GOLGA8B: variants seen among roughly 807,000 people sequenced by gnomAD.
The protein encoded by GOLGA8B is golgin A8 family member B, also known as golgin subfamily A member 8B.
Under a neutral mutation model 15.6 loss-of-function variants are expected in GOLGA8B, and 1 was observed. The observed-to-expected ratio is 0.06, with a 90% CI of 0.02 to 0.30. GOLGA8B has a LOEUF of 0.30. Among genes scored for constraint, GOLGA8B ranks in the 10% least tolerant of loss-of-function variants. The pLI, the probability that GOLGA8B is intolerant of heterozygous loss-of-function variation, is 1.00. For missense variants in GOLGA8B, 17 were observed against 201.3 expected (o/e 0.08, Z 5.54); for synonymous variants, 9 against 80.3 (o/e 0.11, Z 4.75).
intron 1 of GOLGA8B, among the ~76,000 whole-genome samples, chr15:34,570,109 C>G (rs1888873350): frequency 6.6e-6 from 1 of 152,162 alleles, no homozygotes; most frequent in Non-Finnish European, 1.5e-5. Context: ...CCTGTGCAAC[C>G]AGGGGGCCAC....
At chr15:34,559,245 G>A (rs1377805707) in intron 1 of GOLGA8B, among the ~76,000 whole-genome samples, 2,805 of 129,430 alleles carry the variant, frequency 0.022, 13 homozygotes, top group Middle Eastern at 0.03. Context: ...CGGGTGGCCA[G>A]GGGCTGGAGA....
Position 34,525,837 on chromosome 15 carries a change from T to G in GOLGA8B, c.*1795A>C, listed in dbSNP as rs1001487691. The G allele has an allele frequency of 6.7e-6, 1 of 149,498 alleles. No homozygotes were observed. The highest frequency in any genetic ancestry group is 1.5e-5 in the Non-Finnish European group (1 of 67,148). 9.3% of individuals were successfully genotyped at this position (149,498 alleles called of 1,614,324 possible). A position where few individuals can be genotyped will look rare whatever the true frequency, so the allele number is the denominator to read the frequency against. ...TATTGCTGCTCTCCTGTTAATCTCC[T>G]ATTTATAAAAGGATCATGAGGCTGC... is the stretch of plus-strand genomic sequence containing the variant. On this transcript the variant is annotated 3_prime_UTR_variant, in exon 24 of 24. Coordinates refer to ENST00000683415, the MANE Select transcript of GOLGA8B (RefSeq NM_001023567.5).
At chr15:34,572,362 G>A (rs1180827715) in intron 1 of GOLGA8B, among the ~76,000 whole-genome samples, 7 of 152,118 alleles carry the variant, frequency 4.6e-5, no homozygotes, top group African/African-American at 1.4e-4. Flanking sequence ...TTTAATGTAC[G>A]AGACTCCACC....
At chr15:34,572,634 G>A (rs1048331057) in intron 1 of GOLGA8B, among the ~76,000 whole-genome samples, 6 of 152,188 alleles carry the variant, frequency 3.9e-5, no homozygotes, top group Non-Finnish European at 8.8e-5. Flanking sequence ...GGGAGGAATC[G>A]CCACCAAACT....
rs1894425829 is a variant in GOLGA8B at position 34,525,666 on chromosome 15, T to C, written c.*1966A>G. ...ATTAGCCACATTATTTGGTCTAATATTTTTTCTTTATTATTCTGAAACTGG... is the reference window on the plus strand; with the variant it reads ...ATTAGCCACATTATTTGGTCTAATACTTTTTCTTTATTATTCTGAAACTGG... On this transcript the variant is annotated 3_prime_UTR_variant, in exon 24 of 24. Coordinates refer to ENST00000683415, the MANE Select transcript of GOLGA8B (RefSeq NM_001023567.5). The C allele has an allele frequency of 6.7e-6, 1 of 149,884 alleles. No homozygotes were observed. The highest frequency in any genetic ancestry group is 2.5e-5 in the African/African-American group (1 of 40,512). 9.3% of individuals were successfully genotyped at this position (149,884 alleles called of 1,614,324 possible). A position where few individuals can be genotyped will look rare whatever the true frequency, so the allele number is the denominator to read the frequency against.
intron 1 of GOLGA8B, among the ~76,000 whole-genome samples, chr15:34,571,460 G>A (rs550301793): frequency 3.9e-5 from 6 of 151,948 alleles, no homozygotes; most frequent in South Asian, 2.1e-4. Flanking sequence ...TAACTTACAC[G>A]GTAGATAGTG....
chr15:34,570,023 G>A (rs1212104827), intron 1 of GOLGA8B, among the ~76,000 whole-genome samples: 1 of 152,180 alleles, frequency 6.6e-6, no homozygotes, highest in Non-Finnish European at 1.5e-5. Context: ...TGGCCACTGA[G>A]TCACACATGC....
At chr15:34,582,049 G>A (rs1889250780) in intron 1 of GOLGA8B, among the ~76,000 whole-genome samples, 1 of 152,114 alleles carries the variant, frequency 6.6e-6, no homozygotes, top group Non-Finnish European at 1.5e-5. Flanking sequence ...CTCCTGCCCC[G>A]CAGTTCCTAA....
Position 34,526,047 on chromosome 15 carries a change from T to C in GOLGA8B, c.*1585A>G, listed in dbSNP as rs1183119024. On this transcript the variant is annotated 3_prime_UTR_variant, in exon 24 of 24. Transcript: ENST00000683415. Reference sequence around the variant, plus strand: ...AAGTTATGATTTAGGCAATGTATGATTGAAATGCATTCACTCATCACGCAT... The same window carrying C: ...AAGTTATGATTTAGGCAATGTATGACTGAAATGCATTCACTCATCACGCAT... 6.7e-6 allele frequency: 1 copy of C among 149,640 alleles called. No homozygotes were observed. Among genetic ancestry groups the C allele is most frequent in the Non-Finnish European group, 1.5e-5 (1 of 67,238 alleles). The allele number at this position is 149,640 out of a possible 1,614,324, so 9.3% of individuals were successfully genotyped here. A position where few individuals can be genotyped will look rare whatever the true frequency, so the allele number is the denominator to read the frequency against.
chr15:34,556,818 T>G, intron 1 of GOLGA8B: 1 of 639,812 alleles, frequency 1.6e-6, no homozygotes, highest in Non-Finnish European at 2.7e-6. Flanking sequence ...CACGAGCAGG[T>G]AGGACTCTAG....
chr15:34,575,571 C>A (rs1310136368), intron 1 of GOLGA8B, among the ~76,000 whole-genome samples: 1 of 152,136 alleles, frequency 6.6e-6, no homozygotes, highest in Middle Eastern at 3.4e-3. Flanking sequence ...CTGACCTACA[C>A]AAACTACATA....
chr15:34,525,729 A>G lies in GOLGA8B; in HGVS notation c.*1903T>C, dbSNP rs1186963077. 2.0e-5 allele frequency: 3 copies of G among 149,888 alleles called. 1 individual carries two copies. The highest frequency in any genetic ancestry group is 7.4e-5 in the African/African-American group (3 of 40,510). 9.3% of individuals were successfully genotyped at this position (149,888 alleles called of 1,614,324 possible). On this transcript the variant is annotated 3_prime_UTR_variant, in exon 24 of 24. Transcript: ENST00000683415. The stretch of plus-strand genomic sequence containing the variant: ...CATTGATAAATTCATACAATTCGGA[A>G]GAGTCAGTTGAAGTCACAAGGACCC...
At chr15:34,579,164 GC>G (rs1241783673) in intron 1 of GOLGA8B, among the ~76,000 whole-genome samples, 2 of 152,170 alleles carry the variant, frequency 1.3e-5, no homozygotes, top group East Asian at 3.9e-4. Flanking sequence ...TAGTGGCAGG[GC>G]CAGGCTGGAA....
intron 1 of GOLGA8B, among the ~76,000 whole-genome samples, chr15:34,581,000 T>G (rs1178793517): frequency 1.3e-5 from 2 of 152,034 alleles, no homozygotes; most frequent in East Asian, 3.9e-4. Flanking sequence ...GGCCCAGAGC[T>G]CTCTCCGTTT....
intron 1 of GOLGA8B, among the ~76,000 whole-genome samples, chr15:34,577,679 G>C (rs896881346): frequency 4.6e-5 from 7 of 152,130 alleles, no homozygotes; most frequent in African/African-American, 1.7e-4. Flanking sequence ...CTAGGTTATA[G>C]GGTACAGCCT....
In GOLGA8B at chr15:34,580,590, G is replaced by A. The variant is rs1365224095; in HGVS notation, c.-1123+2926C>T. On this transcript the variant is annotated intron_variant, in intron 1 of 23. Transcript: ENST00000683415. Reference sequence around the variant, plus strand: ...GGGGAGGATTGGCTTCAGGAGAGGCGAGAAGCGACAGTGCCCATGACAGCT... The same window carrying A: ...GGGGAGGATTGGCTTCAGGAGAGGCAAGAAGCGACAGTGCCCATGACAGCT... 5.3e-5 allele frequency among the ~76,000 whole-genome samples: 8 copies of A among 152,136 alleles called. No individual in the cohort carries two copies. The East Asian group carries it at 7.7e-4, about 15-fold the overall frequency.
intron 1 of GOLGA8B, among the ~76,000 whole-genome samples, chr15:34,577,726 T>C (rs2140356270): frequency 6.6e-6 from 1 of 152,348 alleles, no homozygotes; most frequent in Admixed American, 6.5e-5. Context: ...AGCATGTTAC[T>C]GTGCTGAAGG....
rs756243470 is a variant in GOLGA8B at position 34,559,134 on chromosome 15, TGAG to T, written c.-1122-5181_-1122-5179del. Among the ~76,000 whole-genome samples, 31 of 143,260 alleles carry T rather than the reference TGAG, an allele frequency of 2.2e-4. 2 individuals carry two copies. Among genetic ancestry groups the T allele is most frequent in the Non-Finnish European group, 4.6e-4 (31 of 66,750 alleles). 94.0% of individuals were successfully genotyped at this position (143,260 alleles called of 152,430 possible). A position where few individuals can be genotyped will look rare whatever the true frequency, so the allele number is the denominator to read the frequency against. On this transcript the variant is annotated intron_variant, in intron 1 of 23. Coordinates refer to ENST00000683415, the MANE Select transcript of GOLGA8B (RefSeq NM_001023567.5). The stretch of plus-strand genomic sequence containing the variant: ...CACAGGCTACAATATGGATAAACCT[TGAG>T]GACATCCTGCTAGAGCCAGTCACAA...
intron 1 of GOLGA8B, among the ~76,000 whole-genome samples, chr15:34,573,251 A>T (rs191851317): frequency 6.6e-6 from 1 of 152,112 alleles, no homozygotes; most frequent in African/African-American, 2.4e-5. Context: ...AATTCACCAG[A>T]AGTTAGGCCG....
Sources: allele counts gnomAD v4.1 joint callset (sites outside exome capture counted in the v4.1 genomes callset), GRCh38; gene constraint gnomAD v4.1.1; transcripts MANE v1.5; gene names NCBI Gene and HGNC (gene_info 2026-07-23, HGNC 2026-07-21).